The following RALGAPA1 variants were observed in gnomAD, a reference collection of about 807,000 sequenced individuals.
The protein encoded by RALGAPA1 is Ral GTPase activating protein catalytic subunit alpha 1.
A neutral mutation model predicts 269.6 loss-of-function variants in RALGAPA1; 52 were observed. That is an observed-to-expected ratio of 0.19 (90% CI 0.15 to 0.24). RALGAPA1 has a LOEUF of 0.24. Among genes scored for constraint, RALGAPA1 ranks in the 10% least tolerant of loss-of-function variants. The pLI is 1.00. For missense variants in RALGAPA1, 1,917 were observed against 3,013.9 expected (o/e 0.64, Z 8.52); for synonymous variants, 817 against 1,008.3 (o/e 0.81, Z 3.60).
At chr14:35,634,522 T>G in intron 33 of RALGAPA1, 52 bp downstream of exon 33, 3 of 1,466,670 alleles carry the variant, frequency 2.0e-6, no homozygotes, top group Non-Finnish European at 2.8e-6. Flanking sequence ...CCTCAAGTTA[T>G]ACCTTGAGAG....
intron 36 of RALGAPA1, among the ~76,000 whole-genome samples, chr14:35,598,411 A>ATG (rs1000984140): frequency 3.3e-5 from 5 of 149,926 alleles, no homozygotes; most frequent in Non-Finnish European, 7.4e-5. Flanking sequence ...TTATATATAT[A>ATG]TATTTTATTT....
rs775598663 is a variant in RALGAPA1 at position 35,634,584 on chromosome 14, T to C, written c.5985A>G (p.Pro1995=). 1 of 1,610,822 alleles carries C rather than the reference T, an allele frequency of 6.2e-7. No homozygotes were observed. Among genetic ancestry groups the C allele is most frequent in the East Asian group, 2.2e-5 (1 of 44,784 alleles). Residue 1995 remains proline (P), a synonymous_variant, in exon 33 of 42, where the codon CCA becomes CCG. Transcript: ENST00000680220. The part of the protein sequence containing the change: ...PDSERSSKLQ[P]VTEVKTQMQH... ...CAGAATTCATGTTACCTTCTGTTAC[T>C]GGCTGGAGTTTAGAAGATCGTTCTG...
chr14:35,627,802 C>T lies in RALGAPA1; in HGVS notation c.6145G>A (p.Glu2049Lys). The change falls in exon 34 of 42, where the codon GAA becomes AAA. Residue 2049 changes from glutamate (E) to lysine (K), a missense_variant. Around this residue, in one of 11 missense-constraint regions of RALGAPA1, gnomAD observed 346 missense variants for 566.1 expected, o/e 0.61. Coordinates refer to ENST00000680220, the MANE Select transcript of RALGAPA1 (RefSeq NM_001346249.2). ...AGTTCAGGAGAAAGTTCAGTACTTT[C>T]ACTGTAATGATTGTCGTGATTTTCA... ...VCENHDNHYS[E>K]STELSPELFE... The T allele has an allele frequency of 6.3e-7, 1 of 1,580,788 alleles. No individual in the cohort carries two copies. Among genetic ancestry groups the T allele is most frequent in the Admixed American group, 1.7e-5 (1 of 57,430 alleles).
intron 16 of RALGAPA1, chr14:35,716,185 G>T (rs2068804300): frequency 3.6e-6 from 2 of 557,416 alleles, no homozygotes; most frequent in Non-Finnish European, 4.6e-6. Context: ...CTTGAGGTCA[G>T]GAGTTCAAGA....
intron 1 of RALGAPA1, among the ~76,000 whole-genome samples, chr14:35,785,966 G>A (rs1449198947): frequency 1.1e-4 from 16 of 152,038 alleles, no homozygotes; most frequent in Admixed American, 1.0e-3. Flanking sequence ...ACTTGTGCTT[G>A]CTCAAGAGTT....
chr14:35,699,477 A>G (rs571458470), intron 17 of RALGAPA1, among the ~76,000 whole-genome samples: 142 of 152,306 alleles, frequency 9.3e-4, no homozygotes, highest in African/African-American at 3.0e-3. Context: ...TGTTAATTAA[A>G]GCTTAATAGA....
chr14:35,740,724 C>T (rs1240969633), intron 11 of RALGAPA1, among the ~76,000 whole-genome samples: 1 of 152,142 alleles, frequency 6.6e-6, no homozygotes, highest in East Asian at 1.9e-4. Flanking sequence ...TGGATGATGG[C>T]TTGAACCCGG....
chr14:35,554,253 T>A (rs2055321899), intron 39 of RALGAPA1, among the ~76,000 whole-genome samples: 1 of 152,074 alleles, frequency 6.6e-6, no homozygotes, highest in Non-Finnish European at 1.5e-5. Flanking sequence ...ATCATACATC[T>A]TGAAGATTGC....
chr14:35,654,185 A>T (rs2140040098), intron 30 of RALGAPA1, among the ~76,000 whole-genome samples, 182 bp downstream of exon 30: 1 of 152,300 alleles, frequency 6.6e-6, no homozygotes, highest in South Asian at 2.1e-4. Context: ...CAGGAATGCA[A>T]TCTTCTAACA....
intron 16 of RALGAPA1, among the ~76,000 whole-genome samples, chr14:35,702,584 A>G (rs1567041688): frequency 6.6e-6 from 1 of 152,248 alleles, no homozygotes; most frequent in East Asian, 1.9e-4. Context: ...AATTTGAAAC[A>G]AAAGTTACGT....
intron 38 of RALGAPA1, among the ~76,000 whole-genome samples, chr14:35,571,720 C>A (rs1264454929): frequency 6.6e-6 from 1 of 152,004 alleles, no homozygotes; most frequent in Non-Finnish European, 1.5e-5. Flanking sequence ...ACCACCACCA[C>A]CACCACCAAC....
intron 35 of RALGAPA1, among the ~76,000 whole-genome samples, chr14:35,624,151 C>T (rs1430331556): frequency 4.8e-5 from 1 of 20,848 alleles, no homozygotes; most frequent in African/African-American, 2.3e-4. Context: ...CAATATAATA[C>T]AACGCAAAAA....
At chr14:35,727,559 A>G (rs1252165243) in intron 13 of RALGAPA1, among the ~76,000 whole-genome samples, 3 of 151,852 alleles carry the variant, frequency 2.0e-5, no homozygotes, top group Admixed American at 6.6e-5. Flanking sequence ...AATCAATTAG[A>G]CAACTATTTA....
intron 1 of RALGAPA1, among the ~76,000 whole-genome samples, chr14:35,783,352 T>C (rs896757460): frequency 1.3e-5 from 2 of 152,148 alleles, no homozygotes; most frequent in African/African-American, 4.8e-5. Context: ...TTTTTTTTCC[T>C]CATTGAGTTG....
intron 3 of RALGAPA1, among the ~76,000 whole-genome samples, chr14:35,773,145 T>A (rs2074764221): frequency 8.5e-5 from 13 of 152,208 alleles, no homozygotes; most frequent in Admixed American, 8.5e-4. Context: ...AATTATACTT[T>A]AGATTTAGCC....
intron 26 of RALGAPA1, among the ~76,000 whole-genome samples, chr14:35,666,980 CTGAT>C (rs1468056516): frequency 6.6e-6 from 1 of 152,170 alleles, no homozygotes; most frequent in Non-Finnish European, 1.5e-5. Context: ...TCTAAGTACT[CTGAT>C]TGTACTATAA....
chr14:35,634,452 A>G, intron 33 of RALGAPA1, 122 bp downstream of exon 33: 2 of 644,298 alleles, frequency 3.1e-6, no homozygotes, highest in Non-Finnish European at 4.9e-6. Flanking sequence ...TGCTATACAT[A>G]CATGGTTAAA....
At chr14:35,647,753 G>T (rs574004691) in intron 31 of RALGAPA1, among the ~76,000 whole-genome samples, 1 of 151,084 alleles carries the variant, frequency 6.6e-6, no homozygotes, top group East Asian at 2.0e-4. Flanking sequence ...AGGAATTTGA[G>T]ACCAGCCTGG....
intron 37 of RALGAPA1, among the ~76,000 whole-genome samples, chr14:35,592,550 G>T (rs547900171): frequency 1.3e-5 from 2 of 152,240 alleles, no homozygotes; most frequent in Middle Eastern, 3.4e-3. Flanking sequence ...CAGAAGGAAA[G>T]AAAACTACAG....
Sources: allele counts gnomAD v4.1 joint callset (sites outside exome capture counted in the v4.1 genomes callset), GRCh38; gene constraint gnomAD v4.1.1; regional missense constraint gnomAD v4.1.1; transcripts MANE v1.5; gene names NCBI Gene and HGNC (gene_info 2026-07-23, HGNC 2026-07-21).